FUT9: variants seen among roughly 807,000 people sequenced by gnomAD.
The protein encoded by FUT9 is fucosyltransferase 9, also known as 4-galactosyl-N-acetylglucosaminide 3-alpha-L-fucosyltransferase 9.
FUT9 carries 15 observed loss-of-function variants against 29.7 expected under a neutral mutation model. The observed-to-expected ratio is 0.51, with a 90% CI of 0.34 to 0.78. The LOEUF (loss-of-function observed/expected upper bound fraction) is 0.78, where lower values mean the gene tolerates loss of function less well. FUT9 is among the 30% of genes least tolerant of loss of function. The probability of loss-of-function intolerance (pLI) is 0.01; values close to 1 mark genes in which losing one functional copy is unlikely to be tolerated. For synonymous variants in FUT9, 169 were observed against 153.7 expected (o/e 1.10, Z -0.74); for missense variants, 319 against 425.4 (o/e 0.75, Z 2.20).
At chr6:96,095,317 C>A (rs896416031) in intron 1 of FUT9, among the ~76,000 whole-genome samples, 1 of 152,108 alleles carries the variant, frequency 6.6e-6, no homozygotes, top group African/African-American at 2.4e-5. Context: ...CCCTCCAGTT[C>A]ACATATCAGT....
chr6:96,190,762 T>A (rs904527469), intron 2 of FUT9, among the ~76,000 whole-genome samples: 2 of 152,186 alleles, frequency 1.3e-5, no homozygotes, highest in African/African-American at 4.8e-5. Context: ...CTCCATCAGG[T>A]CCTTTAAGGA....
intron 1 of FUT9, among the ~76,000 whole-genome samples, chr6:96,059,791 T>C (rs901099086): frequency 2.6e-5 from 4 of 152,192 alleles, no homozygotes; most frequent in Non-Finnish European, 5.9e-5. Context: ...TTGCAAAGTG[T>C]GAATATAAAG....
intron 1 of FUT9, among the ~76,000 whole-genome samples, chr6:96,082,355 TC>T (rs2127951177): frequency 6.6e-6 from 1 of 151,822 alleles, no homozygotes; most frequent in East Asian, 1.9e-4. Flanking sequence ...AGATTTACTT[TC>T]ACTTTTTTTT....
intron 2 of FUT9, among the ~76,000 whole-genome samples, chr6:96,198,283 A>G (rs1251585856): frequency 7.0e-6 from 1 of 143,344 alleles, no homozygotes. Context: ...CCACCCCACA[A>G]CAGTCCCCAG....
chr6:96,099,312 T>C (rs1771549195), intron 1 of FUT9, among the ~76,000 whole-genome samples: 1 of 152,182 alleles, frequency 6.6e-6, no homozygotes, highest in Non-Finnish European at 1.5e-5. Context: ...GACTTGATTT[T>C]ATAACAGAAA....
intron 2 of FUT9, among the ~76,000 whole-genome samples, chr6:96,121,604 C>A (rs1772029833): frequency 1.3e-5 from 2 of 152,106 alleles, no homozygotes; most frequent in African/African-American, 4.8e-5. Flanking sequence ...AATTATCGCT[C>A]TATAGGTTTT....
intron 2 of FUT9, among the ~76,000 whole-genome samples, chr6:96,182,882 C>T (rs1360150698): frequency 6.6e-6 from 1 of 152,030 alleles, no homozygotes; most frequent in Non-Finnish European, 1.5e-5. Context: ...GTGATGCCTC[C>T]AGATTTGTTC....
At chr6:96,087,233 T>A (rs1046575866) in intron 1 of FUT9, among the ~76,000 whole-genome samples, 2 of 152,170 alleles carry the variant, frequency 1.3e-5, no homozygotes, top group African/African-American at 4.8e-5. Context: ...TTACCTAAAG[T>A]TATTTGTTGG....
At chr6:96,199,345 G>C (rs1282121850) in intron 2 of FUT9, among the ~76,000 whole-genome samples, 1 of 152,014 alleles carries the variant, frequency 6.6e-6, no homozygotes, top group Admixed American at 6.6e-5. Context: ...TGACAGTTCC[G>C]TACAAAGTAG....
At chr6:96,130,112 T>C (rs975516868) in intron 2 of FUT9, among the ~76,000 whole-genome samples, 2 of 152,100 alleles carry the variant, frequency 1.3e-5, no homozygotes, top group East Asian at 3.8e-4. Flanking sequence ...AGCATGGTTT[T>C]TGGGAGATAA....
At chr6:96,180,738 C>T (rs1396685886) in intron 2 of FUT9, among the ~76,000 whole-genome samples, 2 of 151,996 alleles carry the variant, frequency 1.3e-5, no homozygotes, top group African/African-American at 4.8e-5. Flanking sequence ...TGGTGCCCAA[C>T]TTATGTCACT....
intron 1 of FUT9, among the ~76,000 whole-genome samples, chr6:96,055,844 C>T (rs770920098): frequency 2.2e-4 from 33 of 151,478 alleles, no homozygotes; most frequent in Non-Finnish European, 4.4e-4. Context: ...TGACCCTGGC[C>T]GGACTCTAGA....
rs869106838 is a variant in FUT9 at position 96,148,041 on chromosome 6, G to GA, written c.-9+33924dup. Among the ~76,000 whole-genome samples the GA allele has an allele frequency of 1.5e-4, 22 of 144,704 alleles. No individual in the cohort carries two copies. The South Asian group carries it at 2.6e-3, about 17-fold the overall frequency. The allele number at this position is 144,704 out of a possible 152,430, so 94.9% of individuals were successfully genotyped here. On this transcript the variant is annotated intron_variant, in intron 2 of 2. Coordinates refer to ENST00000302103, the MANE Select transcript of FUT9 (RefSeq NM_006581.4). ...TTAAAAGCAACTTTTATGTTGGAAA[G>GA]AAAAAAAAAATATTGAAACTGGGCA...
intron 2 of FUT9, among the ~76,000 whole-genome samples, chr6:96,120,958 A>G (rs778317942): frequency 2.0e-5 from 3 of 152,128 alleles, no homozygotes; most frequent in Non-Finnish European, 4.4e-5. Context: ...CATACCGTCC[A>G]ATATCTTCCA....
chr6:96,042,659 G>A (rs1770483144), intron 1 of FUT9, among the ~76,000 whole-genome samples: 1 of 152,060 alleles, frequency 6.6e-6, no homozygotes. Context: ...TTCTAGAGAT[G>A]AATCAAATCT....
intron 2 of FUT9, among the ~76,000 whole-genome samples, chr6:96,198,173 T>G (rs1346655845): frequency 6.6e-6 from 1 of 152,098 alleles, no homozygotes; most frequent in Admixed American, 6.6e-5. Flanking sequence ...ATGTGCAGGT[T>G]AGTTACATAT....
At chr6:96,108,670 C>A (rs1016029436) in intron 1 of FUT9, among the ~76,000 whole-genome samples, 1 of 152,124 alleles carries the variant, frequency 6.6e-6, no homozygotes, top group African/African-American at 2.4e-5. Flanking sequence ...TGATATTAGT[C>A]CTAAAATGAC....
At chr6:96,044,615 G>A (rs1770525799) in intron 1 of FUT9, among the ~76,000 whole-genome samples, 1 of 152,058 alleles carries the variant, frequency 6.6e-6, no homozygotes, top group African/African-American at 2.4e-5. Context: ...ACTAGAAACT[G>A]GAATCTTGAT....
intron 1 of FUT9, among the ~76,000 whole-genome samples, chr6:96,068,169 G>T (rs1173683487): frequency 6.6e-6 from 1 of 152,038 alleles, no homozygotes; most frequent in Non-Finnish European, 1.5e-5. Flanking sequence ...GGAAAGAGGG[G>T]ACAGCTAGTG....
Sources: allele counts gnomAD v4.1 joint callset (sites outside exome capture counted in the v4.1 genomes callset), GRCh38; gene constraint gnomAD v4.1.1; transcripts MANE v1.5; gene names NCBI Gene and HGNC (gene_info 2026-07-23, HGNC 2026-07-21).